CUL4B: variants seen among roughly 807,000 people sequenced by gnomAD.
CUL4B encodes cullin-4B.
Under a neutral mutation model 69.2 loss-of-function variants are expected in CUL4B, and 1 was observed. That is an observed-to-expected ratio of 0.01 (90% CI 0.01 to 0.07). The LOEUF is 0.07. Among genes scored for constraint, CUL4B ranks in the 10% least tolerant of loss-of-function variants. The pLI is 1.00. For missense variants in CUL4B, 328 were observed against 638.8 expected (o/e 0.51, Z 5.24); for synonymous variants, 237 against 223.2 (o/e 1.06, Z -0.55).
intron 19 of CUL4B, among the ~76,000 whole-genome samples, chrX:120,528,466 C>G (rs1260220649): frequency 9.1e-6 from 1 of 109,342 alleles, no homozygotes; most frequent in Non-Finnish European, 1.9e-5. Flanking sequence ...TGGCTCATGC[C>G]TGTAATCCCA....
chrX:120,557,434 A>G (rs1481525803), intron 2 of CUL4B, among the ~76,000 whole-genome samples: 1 of 111,845 alleles, frequency 8.9e-6, no homozygotes, highest in East Asian at 2.8e-4. Flanking sequence ...TTTCTGGGCT[A>G]AGGTGCGTCT....
chrX:120,566,356 T>C (rs1344612378), upstream of CUL4B, among the ~76,000 whole-genome samples: 1 of 44,423 alleles, frequency 2.3e-5, no homozygotes, highest in East Asian at 6.7e-4. Flanking sequence ...TATATATATA[T>C]ATATATATAT....
At chrX:120,551,344 T>C (rs1035756105) in intron 2 of CUL4B, among the ~76,000 whole-genome samples, 8 of 110,201 alleles carry the variant, frequency 7.3e-5, no homozygotes, top group African/African-American at 2.6e-4. Context: ...ATTACAAGCA[T>C]GCGCCGCCAC....
intron 2 of CUL4B, among the ~76,000 whole-genome samples, chrX:120,572,315 A>T (rs750522987): frequency 9.2e-6 from 1 of 108,499 alleles, no homozygotes; most frequent in Non-Finnish European, 1.9e-5. Flanking sequence ...AAAATATAAA[A>T]TTAGCCGGGT....
At chrX:120,529,054 A>G (rs942002161) in intron 19 of CUL4B, among the ~76,000 whole-genome samples, 3 of 111,839 alleles carry the variant, frequency 2.7e-5, no homozygotes, top group African/African-American at 9.7e-5. Context: ...AGTAATCCCA[A>G]GGTTGGGAAA....
rs1373295454 is a variant in CUL4B, at chrX:120,540,542, T to A, written c.1464A>T (p.Val488=). 1.8e-5 allele frequency: 22 copies of A among 1,205,751 alleles called. No individual in the cohort carries two copies. In the East Asian group the frequency reaches 6.5e-4, roughly 36 times the overall value. The stretch of plus-strand genomic sequence containing the variant: ...TGGTTTTATCTTTTTCAGGATTAAT[T>A]ACAATAGTGCTGCCAAATGCCTAAA... The part of the protein sequence containing the change: ...EYIKAFGSTI[V]INPEKDKTMV... The change falls in exon 11 of 20, where the codon GTA becomes GTT. Residue 488 remains valine, a synonymous_variant. Coordinates refer to ENST00000371322, the MANE Select transcript of CUL4B (RefSeq NM_001079872.2).
At chrX:120,545,653 CATCT>C (rs1924270826) in intron 4 of CUL4B, 136 bp from the exon 5 acceptor site, 3 of 474,706 alleles carry the variant, frequency 6.3e-6, no homozygotes, top group East Asian at 3.8e-5. Context: ...CAGATAAACA[CATCT>C]ATCTGAGAAT....
downstream of CUL4B, among the ~76,000 whole-genome samples, chrX:120,569,185 G>T (rs1389414353): frequency 9.0e-6 from 1 of 110,718 alleles, no homozygotes; most frequent in East Asian, 2.8e-4. Flanking sequence ...GAAACTGGCT[G>T]CTTCTCCTGG....
chrX:120,551,895 C>A (rs1334341175), intron 2 of CUL4B, among the ~76,000 whole-genome samples: 1 of 111,343 alleles, frequency 9.0e-6, no homozygotes, highest in Non-Finnish European at 1.9e-5. Context: ...ATGGATTGAA[C>A]AAGGAATGAC....
At chrX:120,561,124 G>A (rs2147351340), upstream of CUL4B, 1 of 1,029,693 alleles carries the variant, frequency 9.7e-7, no homozygotes, top group African/African-American at 1.9e-5. Flanking sequence ...AGGGAGGGGC[G>A]GTGTCAACCT....
At chrX:120,538,255 A>C in intron 13 of CUL4B, 46 bp from the exon 14 acceptor site, 1 of 869,052 alleles carries the variant, frequency 1.2e-6, no homozygotes, top group Non-Finnish European at 1.7e-6. Context: ...AGTGGTAAAA[A>C]CAAAAGAGGT....
intron 9 of CUL4B, among the ~76,000 whole-genome samples, chrX:120,542,082 A>G (rs1408649403): frequency 1.8e-5 from 2 of 111,506 alleles, no homozygotes; most frequent in Non-Finnish European, 3.8e-5. Context: ...TTTAATTCAA[A>G]AAGTTAAAAA....
At chrX:120,534,017 G>A (rs1923492155) in intron 17 of CUL4B, among the ~76,000 whole-genome samples, 1 of 110,019 alleles carries the variant, frequency 9.1e-6, no homozygotes, top group African/African-American at 3.3e-5. Context: ...AGTGAGCCGA[G>A]ATCGCGCCAC....
chrX:120,574,525 T>G, intron 2 of CUL4B: 2 of 1,161,638 alleles, frequency 1.7e-6, no homozygotes, highest in Non-Finnish European at 2.4e-6. Context: ...ACTTAACTCT[T>G]GAGTTTTACT....
chrX:120,565,689 A>C (rs1438147178), upstream of CUL4B, among the ~76,000 whole-genome samples: 1 of 99,444 alleles, frequency 1.0e-5, no homozygotes, highest in Non-Finnish European at 2.0e-5. Flanking sequence ...AAAAAAAAAA[A>C]AAAAAACTGC....
chrX:120,564,231 G>A (rs1347003250), upstream of CUL4B, among the ~76,000 whole-genome samples: 7 of 112,303 alleles, frequency 6.2e-5, no homozygotes, highest in Admixed American at 6.6e-4. Flanking sequence ...TGAACCTGAG[G>A]CAGAGGTTGC....
chrX:120,564,580 TG>T (rs1925436867), upstream of CUL4B, among the ~76,000 whole-genome samples: 2 of 111,892 alleles, frequency 1.8e-5, no homozygotes, highest in Admixed American at 9.5e-5. Context: ...CACTCCTGCC[TG>T]GGCAACAGAG....
Position 120,525,995 on chromosome X carries a change from C to T in CUL4B, c.*766G>A, listed in dbSNP as rs777886723. On this transcript the variant is annotated 3_prime_UTR_variant, in exon 20 of 20. Transcript: ENST00000371322. ...TTGGATTTTTCTCTTCTATGATGTT[C>T]CTCTAGTACAACTGATCATTAATTT... is the stretch of plus-strand genomic sequence containing the variant. The T allele has an allele frequency of 1.1e-4, 12 of 111,527 alleles. No individual in the cohort carries two copies. The South Asian group carries it at 4.4e-3, about 41-fold the overall frequency. The allele number at this position is 111,527 out of a possible 1,213,427, so 9.2% of individuals were successfully genotyped here. A position where few individuals can be genotyped will look rare whatever the true frequency, so the allele number is the denominator to read the frequency against.
At chrX:120,544,230 T>C in intron 6 of CUL4B, 27 bp from the exon 7 acceptor site, 7 of 1,019,599 alleles carry the variant, frequency 6.9e-6, no homozygotes, top group Non-Finnish European at 9.7e-6. Flanking sequence ...ATGAAGGAGA[T>C]CATTTATTTA....
Sources: allele counts gnomAD v4.1 joint callset (sites outside exome capture counted in the v4.1 genomes callset), GRCh38; gene constraint gnomAD v4.1.1; transcripts MANE v1.5; gene names NCBI Gene and HGNC (gene_info 2026-07-23, HGNC 2026-07-21).